Variants in GNAO1 observed in about 807,000 individuals in gnomAD.
GNAO1 encodes guanine nucleotide-binding protein G(o) subunit alpha.
For missense variants in GNAO1, 166 were observed against 478.7 expected (o/e 0.35, Z 6.10); for synonymous variants, 164 against 180.7 (o/e 0.91, Z 0.74).
chr16:56,336,129 C>T (rs1396421026), intron 5 of GNAO1, among the ~76,000 whole-genome samples: 2 of 152,162 alleles, frequency 1.3e-5, no homozygotes, highest in Admixed American at 6.5e-5. Flanking sequence ...TGTGCCCCCT[C>T]GGGAGTAGAG....
Position 56,192,041 on chromosome 16 carries a change from G to A in GNAO1, c.-195G>A. 3.4e-6 allele frequency: 2 copies of A among 585,708 alleles called. No individual in the cohort carries two copies. The highest frequency in any genetic ancestry group is 4.1e-5 in the South Asian group (2 of 48,384). The allele number at this position is 585,708 out of a possible 1,614,324, so 36.3% of individuals were successfully genotyped here. ...CCCCTGCCAGCTGCCGCGAGTCTCC[G>A]CTGCTGGAATCTTGTTAGCGGCTGT... is the stretch of plus-strand genomic sequence containing the variant. On this transcript the variant is annotated 5_prime_UTR_variant, in exon 1 of 9. Transcript: ENST00000262493.
intron 1 of GNAO1, 68 bp from the exon 2 acceptor site, chr16:56,192,506 T>TC (rs1228681405): frequency 1.3e-5 from 8 of 632,336 alleles, no homozygotes; most frequent in Admixed American, 4.0e-5. Context: ...CATGCCTTAG[T>TC]CCCCCCCTCC....
chr16:56,316,567 G>A (rs2037511743), intron 3 of GNAO1, among the ~76,000 whole-genome samples: 1 of 152,190 alleles, frequency 6.6e-6, no homozygotes, highest in Admixed American at 6.5e-5. Context: ...CCTCAGTGTT[G>A]CCTGGGTCTC....
chr16:56,349,664 G>C (rs570665911), intron 6 of GNAO1, among the ~76,000 whole-genome samples: 1 of 152,226 alleles, frequency 6.6e-6, no homozygotes, highest in Non-Finnish European at 1.5e-5. Flanking sequence ...TTAGCAGAAT[G>C]AAAGGGCAGT....
At chr16:56,345,369 C>G (rs1163034011) in intron 6 of GNAO1, 4 of 985,460 alleles carry the variant, frequency 4.1e-6, no homozygotes, top group African/African-American at 1.7e-5. Context: ...TCCCTGCCCC[C>G]ACTCTGGACA....
intron 3 of GNAO1, among the ~76,000 whole-genome samples, chr16:56,299,923 C>T (rs770276958): frequency 2.0e-5 from 3 of 152,088 alleles, no homozygotes; most frequent in Non-Finnish European, 4.4e-5. Flanking sequence ...AGAAACCACT[C>T]AGATGCCTGT....
intron 2 of GNAO1, among the ~76,000 whole-genome samples, chr16:56,263,868 A>C (rs2036927279): frequency 6.6e-6 from 1 of 152,248 alleles, no homozygotes; most frequent in South Asian, 2.1e-4. Context: ...ATGAGTCCAG[A>C]GTCCCAGTGG....
chr16:56,268,281 C>T (rs1437816255), intron 2 of GNAO1, among the ~76,000 whole-genome samples: 1 of 152,264 alleles, frequency 6.6e-6, no homozygotes, highest in African/African-American at 2.4e-5. Context: ...GCAGCCAGCA[C>T]ATCCTTCAAC....
intron 2 of GNAO1, among the ~76,000 whole-genome samples, chr16:56,242,041 C>T (rs921223950): frequency 3.3e-5 from 5 of 152,176 alleles, no homozygotes; most frequent in Non-Finnish European, 7.3e-5. Flanking sequence ...ATCCCACTCT[C>T]CTGCCAGCCC....
rs561004261 is a variant in GNAO1 at position 56,206,269 on chromosome 16, G to A, written c.161+13653G>A. 1.3e-4 allele frequency among the ~76,000 whole-genome samples: 20 copies of A among 149,084 alleles called. No homozygotes were observed. The East Asian group carries it at 2.0e-3, about 15-fold the overall frequency. ...CGGTAGGCAGAGGTTGCAGTGAGCC[G>A]AGATCACGCCATTGCACTCCAGCCT... On this transcript the variant is annotated intron_variant, in intron 2 of 8. Coordinates refer to ENST00000262493, the MANE Select transcript of GNAO1 (RefSeq NM_020988.3).
intron 2 of GNAO1, among the ~76,000 whole-genome samples, chr16:56,251,153 G>A (rs1441323568): frequency 6.6e-6 from 1 of 152,184 alleles, no homozygotes; most frequent in South Asian, 2.1e-4. Context: ...CCCCTATAAA[G>A]GAGGCTGGGT....
intron 6 of GNAO1, chr16:56,345,285 G>C (rs1483415391): frequency 3.0e-6 from 3 of 985,482 alleles, no homozygotes; most frequent in Non-Finnish European, 3.6e-6. Context: ...TGTGCCTGGG[G>C]ACCTAGATGT....
At chr16:56,293,897 A>G (rs1038891130) in intron 3 of GNAO1, among the ~76,000 whole-genome samples, 9 of 152,170 alleles carry the variant, frequency 5.9e-5, no homozygotes, top group African/African-American at 2.2e-4. Context: ...ACATGAACAT[A>G]GGGTATAGGA....
At chr16:56,328,512 C>A in intron 3 of GNAO1, 119 bp from the exon 4 acceptor site, 1 of 999,128 alleles carries the variant, frequency 1.0e-6, no homozygotes, top group Non-Finnish European at 1.5e-6. Context: ...GGCTGAGCTG[C>A]GGTCCTGCTG....
At chr16:56,280,070 T>C (rs1596839040) in intron 3 of GNAO1, among the ~76,000 whole-genome samples, 1 of 152,182 alleles carries the variant, frequency 6.6e-6, no homozygotes, top group African/African-American at 2.4e-5. Context: ...CAGCTGTTGA[T>C]TGAGTACCTA....
intron 2 of GNAO1, among the ~76,000 whole-genome samples, chr16:56,198,551 A>G (rs192331748): frequency 2.0e-5 from 3 of 152,338 alleles, no homozygotes; most frequent in Admixed American, 2.0e-4. Context: ...CTGCTAACTA[A>G]ATATGTGACC....
At chr16:56,237,740 C>T (rs911298491) in intron 2 of GNAO1, among the ~76,000 whole-genome samples, 3 of 151,758 alleles carry the variant, frequency 2.0e-5, no homozygotes, top group Non-Finnish European at 2.9e-5. Flanking sequence ...TCTGAAATTG[C>T]AAAGAAATAA....
chr16:56,277,722 C>T (rs1242575530), intron 3 of GNAO1, among the ~76,000 whole-genome samples: 6 of 148,776 alleles, frequency 4.0e-5, no homozygotes, highest in African/African-American at 1.5e-4. Context: ...AAGTGGGGAG[C>T]GTGATATCTG....
At chr16:56,281,246 A>G (rs1389910735) in intron 3 of GNAO1, among the ~76,000 whole-genome samples, 1 of 152,120 alleles carries the variant, frequency 6.6e-6, no homozygotes, top group Non-Finnish European at 1.5e-5. Context: ...GAGGTAAAAC[A>G]AATCATTCAA....
Sources: allele counts gnomAD v4.1 joint callset (sites outside exome capture counted in the v4.1 genomes callset), GRCh38; gene constraint gnomAD v4.1.1; transcripts MANE v1.5; gene names NCBI Gene and HGNC (gene_info 2026-07-23, HGNC 2026-07-21).